The following ENTPD1 variants were observed in gnomAD, a reference collection of about 807,000 sequenced individuals.
ENTPD1 encodes ATP diphosphohydrolase.
ENTPD1 carries 33 observed loss-of-function variants against 57.0 expected under a neutral mutation model. The ratio of observed to expected loss-of-function variants is 0.58; its 90% CI spans 0.44 to 0.77. The LOEUF (loss-of-function observed/expected upper bound fraction) is 0.77, where lower values mean the gene tolerates loss of function less well. ENTPD1 is among the 30% of genes least tolerant of loss of function. The probability of loss-of-function intolerance (pLI) is 0.00; values close to 1 mark genes in which losing one functional copy is unlikely to be tolerated. For synonymous variants in ENTPD1, 202 were observed against 218.8 expected (o/e 0.92, Z 0.68); for missense variants, 501 against 603.4 (o/e 0.83, Z 1.78).
At position 95,876,194 on chromosome 10, in the gene ENTPD1, AT is replaced by A. The variant is rs1455366677; in HGVS notation, c.*9814del. 6.1e-6 allele frequency: 6 copies of A among 980,800 alleles called. No homozygotes were observed. Among genetic ancestry groups the A allele is most frequent in the Non-Finnish European group, 7.3e-6 (6 of 825,840 alleles). 60.8% of individuals were successfully genotyped at this position (980,800 alleles called of 1,614,324 possible). The stretch of plus-strand genomic sequence containing the variant: ...CCACATTGTCAGTTTTCTTAGGTAT[AT>A]TTATAAATACTCCTATAAAAATGTA... On this transcript the variant is annotated 3_prime_UTR_variant, in exon 10 of 10. Coordinates refer to ENST00000371205, the MANE Select transcript of ENTPD1 (RefSeq NM_001776.6).
chr10:95,813,642 G>A (rs1386033031), intron 1 of ENTPD1, among the ~76,000 whole-genome samples: 3 of 152,156 alleles, frequency 2.0e-5, no homozygotes, highest in Non-Finnish European at 2.9e-5. Flanking sequence ...CATCTTGGCC[G>A]AGAACGCAGT....
At chr10:95,762,209 C>CAAAAAAAAAAA (rs59588135) in intron 1 of ENTPD1, among the ~76,000 whole-genome samples, 1 of 78,504 alleles carries the variant, frequency 1.3e-5, no homozygotes, top group African/African-American at 4.0e-5. Context: ...TAAAAAGAAG[C>CAAAAAAAAAAA]AAAAAAAAAA....
intron 1 of ENTPD1, among the ~76,000 whole-genome samples, chr10:95,738,951 A>G (rs1235334891): frequency 6.6e-6 from 1 of 152,104 alleles, no homozygotes; most frequent in Admixed American, 6.5e-5. Context: ...CCAGACCACC[A>G]CAATAAAGCA....
chr10:95,751,400 G>A (rs537273308), upstream of ENTPD1, among the ~76,000 whole-genome samples: 2 of 152,292 alleles, frequency 1.3e-5, no homozygotes, highest in South Asian at 4.1e-4. Flanking sequence ...GCTGGGTTGT[G>A]TGACTAGGTG....
At chr10:95,825,617 G>A (rs572314071) in intron 2 of ENTPD1, among the ~76,000 whole-genome samples, 8 of 152,140 alleles carry the variant, frequency 5.3e-5, no homozygotes, top group African/African-American at 1.2e-4. Context: ...TCGCTCTGTC[G>A]CCCAGGCTGG....
intron 7 of ENTPD1, among the ~76,000 whole-genome samples, chr10:95,854,607 T>C (rs1288293744): frequency 6.6e-6 from 1 of 152,220 alleles, no homozygotes; most frequent in Non-Finnish European, 1.5e-5. Context: ...GCTTTGAATG[T>C]GTCCCAGAGA....
chr10:95,757,092 TCTC>T (rs1320264218), intron 1 of ENTPD1, among the ~76,000 whole-genome samples: 1 of 152,164 alleles, frequency 6.6e-6, no homozygotes, highest in African/African-American at 2.4e-5. Flanking sequence ...TAAACCTCCT[TCTC>T]CTCCTTCTTT....
At chr10:95,776,900 T>C (rs2098136259) in intron 1 of ENTPD1, among the ~76,000 whole-genome samples, 1 of 152,242 alleles carries the variant, frequency 6.6e-6, no homozygotes, top group South Asian at 2.1e-4. Context: ...CCATCACTGA[T>C]ACCCTTTCTT....
At chr10:95,723,828 A>C (rs1306652030) in intron 1 of ENTPD1, among the ~76,000 whole-genome samples, 1 of 152,130 alleles carries the variant, frequency 6.6e-6, no homozygotes, top group East Asian at 1.9e-4. Context: ...TTCTAGGCAG[A>C]CCAACATTCC....
At position 95,864,789 on chromosome 10, in the gene ENTPD1, C is replaced by T. The variant is rs759450413; in HGVS notation, c.1254C>T (p.Tyr418=). 2.3e-5 allele frequency: 37 copies of T among 1,613,970 alleles called. No homozygotes were observed. The highest frequency in any genetic ancestry group is 1.7e-4 in the Middle Eastern group (1 of 6,058). ...GTGAATACTGCTTTTCTGGTACCTACATTCTCTCCCTCCTTCTGCAAGGCT... is the reference window on the plus strand; with the variant it reads ...GTGAATACTGCTTTTCTGGTACCTATATTCTCTCCCTCCTTCTGCAAGGCT... ...YLSEYCFSGT[Y]ILSLLLQGYH... The change falls in exon 9 of 10, where the codon TAC becomes TAT. Residue 418 remains tyrosine, a synonymous_variant. Coordinates refer to ENST00000371205, the MANE Select transcript of ENTPD1 (RefSeq NM_001776.6).
intron 2 of ENTPD1, among the ~76,000 whole-genome samples, chr10:95,834,458 G>C (rs981848602): frequency 3.9e-5 from 6 of 152,122 alleles, no homozygotes; most frequent in African/African-American, 1.2e-4. Flanking sequence ...TCTCGGTAAA[G>C]GCCCTGGAGC....
chr10:95,860,494 T>C lies in ENTPD1; in HGVS notation c.1100T>C (p.Met367Thr). The change falls in exon 8 of 10, where the codon ATG becomes ACG. Residue 367 changes from methionine (M) to threonine (T), a missense_variant. Met to Thr is a moderately conservative substitution (Grantham distance 81). Transcript: ENST00000371205. ...GCATTTTCAGCTTTTTACTTTGTGA[T>C]GAAGTTTTTAAACTTGACATCAGAG... ...FGAFSAFYFV[M>T]KFLNLTSEKV... 1 of 1,613,818 alleles carries C rather than the reference T, an allele frequency of 6.2e-7. No homozygotes were observed. Among genetic ancestry groups the C allele is most frequent in the South Asian group, 1.1e-5 (1 of 91,030 alleles).
chr10:95,862,702 G>C (rs2098467372), intron 8 of ENTPD1, among the ~76,000 whole-genome samples: 1 of 152,200 alleles, frequency 6.6e-6, no homozygotes, highest in Non-Finnish European at 1.5e-5. Flanking sequence ...TCAGCAGCCA[G>C]AACACAGCCA....
intron 1 of ENTPD1, among the ~76,000 whole-genome samples, chr10:95,728,766 C>A (rs2139844653): frequency 6.6e-6 from 1 of 152,228 alleles, no homozygotes; most frequent in East Asian, 1.9e-4. Context: ...CAGAAGGTAG[C>A]TATGAAATCA....
At chr10:95,812,937 A>C (rs1460138309) in intron 1 of ENTPD1, among the ~76,000 whole-genome samples, 1 of 152,094 alleles carries the variant, frequency 6.6e-6, no homozygotes, top group African/African-American at 2.4e-5. Flanking sequence ...TGAATTGCCT[A>C]TTCATCTTCT....
intron 7 of ENTPD1, among the ~76,000 whole-genome samples, chr10:95,851,248 TTATTTA>T (rs561368009): frequency 2.0e-5 from 3 of 151,726 alleles, no homozygotes; most frequent in African/African-American, 7.3e-5. Context: ...ATATTTATAT[TTATTTA>T]TATTTATATT....
At chr10:95,792,674 T>C (rs564916712) in intron 1 of ENTPD1, among the ~76,000 whole-genome samples, 2 of 152,154 alleles carry the variant, frequency 1.3e-5, no homozygotes, top group East Asian at 1.9e-4. Flanking sequence ...AACTCAAGGT[T>C]TGGAGAAGCA....
intron 1 of ENTPD1, among the ~76,000 whole-genome samples, chr10:95,796,805 A>T (rs921609936): frequency 1.3e-5 from 2 of 152,132 alleles, no homozygotes; most frequent in South Asian, 2.1e-4. Context: ...TGGCCTGGGC[A>T]TGGTGGCTCA....
intron 1 of ENTPD1, among the ~76,000 whole-genome samples, chr10:95,737,528 G>T (rs970793575): frequency 2.0e-5 from 3 of 152,096 alleles, no homozygotes; most frequent in African/African-American, 7.2e-5. Context: ...GGGATTACAG[G>T]TGGCTGCCAC....
Sources: gnomAD v4.1 joint callset for allele counts (sites outside exome capture counted in the v4.1 genomes callset) on GRCh38, gnomAD v4.1.1 for gene constraint, MANE v1.5 for transcripts, NCBI Gene and HGNC (gene_info 2026-07-23, HGNC 2026-07-21) for gene names.